Variants in DLG1 observed in about 807,000 individuals in gnomAD.
The protein encoded by DLG1 is disks large homolog 1.
DLG1 carries 42 observed loss-of-function variants against 123.4 expected under a neutral mutation model. The observed-to-expected ratio is 0.34, with a 90% confidence interval of 0.27 to 0.44. The LOEUF (loss-of-function observed/expected upper bound fraction) is 0.44, where lower values mean the gene tolerates loss of function less well. DLG1 is among the 20% of genes least tolerant of loss of function. The pLI is 1.00. For missense variants in DLG1, 942 were observed against 1,082.6 expected, an observed-to-expected ratio of 0.87 and a Z score of 1.82; for synonymous variants, 317 against 356.2, an observed-to-expected ratio of 0.89 and a Z score of 1.24.
chr3:197,292,991 T>C (rs1775673340), intron 3 of DLG1, among the ~76,000 whole-genome samples: 1 of 152,104 alleles, frequency 6.6e-6, no homozygotes, highest in Admixed American at 6.5e-5. Flanking sequence ...CCCACACACC[T>C]TAGAATCATG....
intron 4 of DLG1, among the ~76,000 whole-genome samples, chr3:197,263,115 T>A (rs1431612023): frequency 6.6e-6 from 1 of 152,216 alleles, no homozygotes; most frequent in African/African-American, 2.4e-5. Context: ...AAGTACTGAC[T>A]AGGCATTGCA....
intron 4 of DLG1, among the ~76,000 whole-genome samples, chr3:197,275,366 C>T (rs1765906495): frequency 6.6e-6 from 1 of 152,024 alleles, no homozygotes; most frequent in Non-Finnish European, 1.5e-5. Flanking sequence ...TCTCAACCAC[C>T]ATTTAATCCA....
At chr3:197,159,951 T>C (rs560434252) in intron 5 of DLG1, among the ~76,000 whole-genome samples, 96 of 152,284 alleles carry the variant, frequency 6.3e-4, no homozygotes, top group Non-Finnish European at 1.2e-3. Context: ...CGGCTAAGAT[T>C]ATGTGCCAGT....
At chr3:197,296,617 C>T (rs1777473304) in intron 2 of DLG1, 140 bp from the exon 3 acceptor site, 2 of 650,126 alleles carry the variant, frequency 3.1e-6, no homozygotes, top group African/African-American at 3.6e-5. Flanking sequence ...TTCATGTACA[C>T]ATATTCCTTA....
chr3:197,060,119 T>A, intron 22 of DLG1, 121 bp from the exon 23 acceptor site: 1 of 587,560 alleles, frequency 1.7e-6, no homozygotes, highest in Non-Finnish European at 2.8e-6. Context: ...TGTTCACTTT[T>A]AGTAAACTTG....
intron 3 of DLG1, among the ~76,000 whole-genome samples, chr3:197,294,693 C>T (rs1335648850): frequency 6.7e-6 from 1 of 148,718 alleles, no homozygotes; most frequent in Admixed American, 6.7e-5. Context: ...AGAAAGCTAA[C>T]TCTATCAAAG....
chr3:197,059,711 C>T (rs1734453571), intron 23 of DLG1, among the ~76,000 whole-genome samples, 178 bp downstream of exon 23: 3 of 151,118 alleles, frequency 2.0e-5, no homozygotes, highest in Admixed American at 2.0e-4. Flanking sequence ...ATGATGATTA[C>T]AATGACAATT....
intron 5 of DLG1, among the ~76,000 whole-genome samples, chr3:197,182,675 G>T (rs1213342889): frequency 6.7e-6 from 1 of 148,544 alleles, no homozygotes; most frequent in African/African-American, 2.5e-5. Flanking sequence ...TATCACTGAT[G>T]TCAGAGGACA....
chr3:197,126,258 C>T (rs531078600), intron 11 of DLG1, among the ~76,000 whole-genome samples: 7 of 152,012 alleles, frequency 4.6e-5, no homozygotes, highest in Admixed American at 3.9e-4. Context: ...GGTGGATCAT[C>T]TGAGGTCGGG....
chr3:197,055,729 G>C (rs1405142297), intron 23 of DLG1, among the ~76,000 whole-genome samples: 1 of 152,112 alleles, frequency 6.6e-6, no homozygotes, highest in Non-Finnish European at 1.5e-5. Context: ...GAAGAGGGAA[G>C]CACTAGCCCT....
At chr3:197,285,088 T>C (rs1771207734) in intron 3 of DLG1, among the ~76,000 whole-genome samples, 1 of 150,300 alleles carries the variant, frequency 6.7e-6, no homozygotes, top group Admixed American at 6.6e-5. Flanking sequence ...AGCCTTCAAA[T>C]ATATAATTTT....
intron 4 of DLG1, among the ~76,000 whole-genome samples, chr3:197,276,152 A>G (rs1650347686): frequency 6.6e-6 from 1 of 152,184 alleles, no homozygotes; most frequent in South Asian, 2.1e-4. Context: ...ATAACACATA[A>G]TGGATACACA....
chr3:197,297,753 C>G, intron 1 of DLG1: 2 of 986,310 alleles, frequency 2.0e-6, no homozygotes, highest in East Asian at 1.1e-4. Context: ...CGCCCTCGCG[C>G]CCCGCATGCA....
chr3:197,267,815 A>C (rs1363680581), intron 4 of DLG1, among the ~76,000 whole-genome samples: 2 of 152,036 alleles, frequency 1.3e-5, no homozygotes, highest in Non-Finnish European at 2.9e-5. Flanking sequence ...GTTTATTATT[A>C]CTTTGGGTCC....
intron 4 of DLG1, among the ~76,000 whole-genome samples, 178 bp from the exon 5 acceptor site, chr3:197,194,767 A>G (rs1443640916): frequency 7.2e-5 from 11 of 152,222 alleles, no homozygotes; most frequent in Admixed American, 7.2e-4. Context: ...CAATAATAAA[A>G]TTATTTAATT....
rs998576616 is a variant in DLG1, at chr3:197,042,672, C to A, written c.*1951G>T. 1 of 152,112 alleles carries A rather than the reference C, an allele frequency of 6.6e-6. No individual in the cohort carries two copies. Among genetic ancestry groups the A allele is most frequent in the African/African-American group, 2.4e-5 (1 of 41,418 alleles). 9.4% of individuals were successfully genotyped at this position (152,112 alleles called of 1,614,324 possible). On this transcript the variant is annotated 3_prime_UTR_variant, in exon 25 of 25. Transcript: ENST00000667157. ...AAATACTTCAAAATAGCTTATGCTG[C>A]GGTCTTGTAAGGCAGTTTCTGAAGC... is the stretch of plus-strand genomic sequence containing the variant.
At position 197,191,019 on chromosome 3, in the gene DLG1, A is replaced by G. The variant is rs1056284191; in HGVS notation, c.483+3406T>C. The stretch of plus-strand genomic sequence containing the variant: ...AGCGAGACTTCAACTCAAACAAAAC[A>G]AAACAAAACAACAACAGAAAGGGGG... On this transcript the variant is annotated intron_variant, in intron 5 of 24. Coordinates refer to ENST00000667157, the MANE Select transcript of DLG1 (RefSeq NM_001366207.1). Among the ~76,000 whole-genome samples the G allele has an allele frequency of 9.2e-5, 14 of 152,308 alleles. No homozygotes were observed. The East Asian group carries it at 2.7e-3, about 29-fold the overall frequency.
chr3:197,297,760 T>G lies in DLG1; in HGVS notation c.-31-525A>C, dbSNP rs996947143. 5 of 986,106 alleles carry G rather than the reference T, an allele frequency of 5.1e-6. No individual in the cohort carries two copies. The African/African-American group carries it at 5.2e-5, about 10-fold the overall frequency. The allele number at this position is 986,106 out of a possible 1,614,324, so 61.1% of individuals were successfully genotyped here. On this transcript the variant is annotated intron_variant, in intron 1 of 24. Coordinates refer to ENST00000667157, the MANE Select transcript of DLG1 (RefSeq NM_001366207.1). ...CTCCGCGACGCCCTCGCGCCCCGCA[T>G]GCACACCTCCGCGGGCCCCCACACC...
chr3:197,053,311 C>G (rs564363187), intron 23 of DLG1, among the ~76,000 whole-genome samples: 10 of 152,362 alleles, frequency 6.6e-5, no homozygotes, highest in African/African-American at 2.4e-4. Flanking sequence ...GGGAGGACTA[C>G]AGGTAATAAA....
Sources: gnomAD v4.1 joint callset for allele counts (sites outside exome capture counted in the v4.1 genomes callset) on GRCh38, gnomAD v4.1.1 for gene constraint, MANE v1.5 for transcripts, NCBI Gene and HGNC (gene_info 2026-07-23, HGNC 2026-07-21) for gene names.